The following TFCP2L1 variants were observed in gnomAD, a reference collection of about 807,000 sequenced individuals.
TFCP2L1 encodes the protein transcription factor CP2-like protein 1.
TFCP2L1 carries 12 observed loss-of-function variants against 72.2 expected under a neutral mutation model. The observed-to-expected ratio is 0.17, with a 90% CI of 0.11 to 0.27. TFCP2L1 has a LOEUF of 0.27. Ranked by LOEUF, TFCP2L1 falls within the 10% of genes least tolerant of loss-of-function variation. TFCP2L1 has a pLI of 1.00. For missense variants in TFCP2L1, 488 were observed against 624.6 expected (o/e 0.78, Z 2.33); for synonymous variants, 260 against 251.0 (o/e 1.04, Z -0.34).
Position 121,240,471 on chromosome 2 carries a change from A to G in TFCP2L1, c.769-822T>C, listed in dbSNP as rs1344659948. The G allele has an allele frequency of 6.1e-6, 6 of 985,284 alleles. No homozygotes were observed. The East Asian group carries it at 6.8e-4, about 112-fold the overall frequency. 61.0% of individuals were successfully genotyped at this position (985,284 alleles called of 1,614,324 possible). A position where few individuals can be genotyped will look rare whatever the true frequency, so the allele number is the denominator to read the frequency against. ...CACCCACCAAACTATAGTGTTGGTA[A>G]ATATTTAAGTATTGTGAGTGTGGGC... On this transcript the variant is annotated intron_variant, in intron 7 of 14. Transcript: ENST00000263707.
chr2:121,256,878 C>T (rs1053749832), intron 2 of TFCP2L1, among the ~76,000 whole-genome samples: 12 of 152,190 alleles, frequency 7.9e-5, no homozygotes, highest in Middle Eastern at 3.4e-3. Flanking sequence ...ACCGCTTGAA[C>T]CCGGGAGGCA....
chr2:121,240,584 T>A lies in TFCP2L1; in HGVS notation c.769-935A>T, dbSNP rs544321165. The A allele has an allele frequency of 3.0e-3, 3,004 of 985,366 alleles. 9 individuals carry two copies. Among genetic ancestry groups the A allele is most frequent in the Non-Finnish European group, 3.5e-3 (2,884 of 829,910 alleles). 61.0% of individuals were successfully genotyped at this position (985,366 alleles called of 1,614,324 possible). The stretch of plus-strand genomic sequence containing the variant: ...GCAGCCGGTGCCTCCCAGGGTGGGC[T>A]TTCAACTACGCTGCACTGTGGCAAG... On this transcript the variant is annotated intron_variant, in intron 7 of 14. Coordinates refer to ENST00000263707, the MANE Select transcript of TFCP2L1 (RefSeq NM_014553.3).
chr2:121,224,846 C>G (rs1013057233), intron 14 of TFCP2L1, among the ~76,000 whole-genome samples: 34 of 152,212 alleles, frequency 2.2e-4, no homozygotes, highest in Non-Finnish European at 4.3e-4. Flanking sequence ...TTAGCCGGGC[C>G]TGGTGGCGGG....
intron 2 of TFCP2L1, among the ~76,000 whole-genome samples, chr2:121,277,490 C>T (rs1687170805): frequency 6.6e-6 from 1 of 152,170 alleles, no homozygotes; most frequent in South Asian, 2.1e-4. Flanking sequence ...TGGTGATATG[C>T]ATCAAAAGCC....
chr2:121,273,474 A>C (rs1184890067), intron 2 of TFCP2L1, among the ~76,000 whole-genome samples: 1 of 152,222 alleles, frequency 6.6e-6, no homozygotes, highest in Non-Finnish European at 1.5e-5. Context: ...GGACCTTTTC[A>C]GAGGAAGAGA....
rs1446852931 is a variant in TFCP2L1 at position 121,223,018 on chromosome 2, T to C, written c.*1323A>G. 1 of 152,232 alleles carries C rather than the reference T, an allele frequency of 6.6e-6. No individual in the cohort carries two copies. The highest frequency in any genetic ancestry group is 2.4e-5 in the African/African-American group (1 of 41,452). The allele number at this position is 152,232 out of a possible 1,614,324, so 9.4% of individuals were successfully genotyped here. ...CAGGTGACTTTGCCCCTCTGAGCCT[T>C]GGTTTCCTCATCTATAAAACAAGTT... On this transcript the variant is annotated 3_prime_UTR_variant, in exon 15 of 15. Transcript: ENST00000263707.
At chr2:121,266,238 T>C (rs1686928136) in intron 2 of TFCP2L1, among the ~76,000 whole-genome samples, 1 of 151,726 alleles carries the variant, frequency 6.6e-6, no homozygotes, top group Non-Finnish European at 1.5e-5. Flanking sequence ...CCCATTTCAC[T>C]AACAGCAAAG....
At chr2:121,240,695 G>A in intron 7 of TFCP2L1, 1 of 985,348 alleles carries the variant, frequency 1.0e-6, no homozygotes, top group Non-Finnish European at 1.2e-6. Context: ...GAGGCTGTTA[G>A]GGAGAGAATG....
chr2:121,270,494 G>A (rs763607899), intron 2 of TFCP2L1, among the ~76,000 whole-genome samples: 8 of 152,162 alleles, frequency 5.3e-5, no homozygotes, highest in Middle Eastern at 3.4e-3. Context: ...TTTCACTCCC[G>A]CTTAAACACA....
At chr2:121,255,892 G>A (rs951532163) in intron 2 of TFCP2L1, among the ~76,000 whole-genome samples, 3 of 152,112 alleles carry the variant, frequency 2.0e-5, no homozygotes, top group South Asian at 2.1e-4. Flanking sequence ...GCAGGCGCCC[G>A]CCACCTCGCC....
chr2:121,249,796 C>G (rs1172868279), intron 2 of TFCP2L1, 149 bp from the exon 3 acceptor site: 6 of 739,212 alleles, frequency 8.1e-6, no homozygotes, highest in Middle Eastern at 2.7e-4. Context: ...ACGACCAGCT[C>G]AGCTCACTCT....
Position 121,237,523 on chromosome 2 carries a change from G to A in TFCP2L1, c.1003+100C>T, listed in dbSNP as rs1397351993. 1.3e-5 allele frequency: 18 copies of A among 1,368,080 alleles called. 1 individual carries two copies. In the East Asian group the frequency reaches 1.6e-4, roughly 12 times the overall value. 84.7% of individuals were successfully genotyped at this position (1,368,080 alleles called of 1,614,324 possible). A position where few individuals can be genotyped will look rare whatever the true frequency, so the allele number is the denominator to read the frequency against. ...CTATCTCGGGTCTCCCAGCTGAAACGACAGCGCTGCCAGTGTTGACAGCAA... is the reference window on the plus strand; with the variant it reads ...CTATCTCGGGTCTCCCAGCTGAAACAACAGCGCTGCCAGTGTTGACAGCAA... On this transcript the variant is annotated intron_variant, in intron 10 of 14. Coordinates refer to ENST00000263707, the MANE Select transcript of TFCP2L1 (RefSeq NM_014553.3).
rs375157385 is a variant in TFCP2L1 at position 121,231,908 on chromosome 2, T to C, written c.1259A>G (p.Asn420Ser). 18 of 1,613,462 alleles carry C rather than the reference T, an allele frequency of 1.1e-5. No homozygotes were observed. In the South Asian group the frequency reaches 1.5e-4, roughly 14 times the overall value. Reference sequence around the variant, plus strand: ...GTGCTGGGGGGAGATGCTGTACAGGTTGGCGATCTTCTCAATCAGCTCCAA... The same window carrying C: ...GTGCTGGGGGGAGATGCTGTACAGGCTGGCGATCTTCTCAATCAGCTCCAA... Reference protein sequence around the residue: ...TTLELIEKIANLYSISPQHIH... With the variant: ...TTLELIEKIASLYSISPQHIH... Residue 420 changes from asparagine (N) to serine (S), a missense_variant, in exon 13 of 15, where the codon AAC becomes AGC. By Grantham distance (46) the Asn-to-Ser change is conservative. Transcript: ENST00000263707.
At chr2:121,250,390 G>C (rs894574990) in intron 2 of TFCP2L1, among the ~76,000 whole-genome samples, 1 of 146,742 alleles carries the variant, frequency 6.8e-6, no homozygotes, top group Non-Finnish European at 1.5e-5. Flanking sequence ...ATATATGTAT[G>C]TGTATATATA....
rs1686220502 is a variant in TFCP2L1 at position 121,235,209 on chromosome 2, A to G, written c.1094+12T>C. 1 of 1,614,002 alleles carries G rather than the reference A, an allele frequency of 6.2e-7. No individual in the cohort carries two copies. Among genetic ancestry groups the G allele is most frequent in the African/African-American group, 1.3e-5 (1 of 75,034 alleles). On this transcript the variant is annotated intron_variant, in intron 11 of 14. Transcript: ENST00000263707. ...AGCCTCTGGCTGGCTTCACAGAGAA[A>G]CCAACACCTACCGGCCTTTGATGGC...
chr2:121,281,397 G>T, intron 1 of TFCP2L1, 126 bp from the exon 2 acceptor site: 1 of 1,055,590 alleles, frequency 9.5e-7, no homozygotes, highest in Non-Finnish European at 1.4e-6. Context: ...CGCATCGCAG[G>T]GTGCTGGCTG....
intron 6 of TFCP2L1, 137 bp downstream of exon 6, chr2:121,246,681 A>G (rs1044368006): frequency 4.4e-6 from 5 of 1,126,432 alleles, no homozygotes; most frequent in Non-Finnish European, 6.3e-6. Context: ...TTAGAAGCCC[A>G]GGTAGAAGCC....
intron 13 of TFCP2L1, among the ~76,000 whole-genome samples, chr2:121,229,522 T>G (rs1686098836): frequency 6.6e-6 from 1 of 152,204 alleles, no homozygotes; most frequent in Admixed American, 6.5e-5. Context: ...GCAAGAGGAT[T>G]ATTACTAGTA....
rs891092011 is a variant in TFCP2L1, at chr2:121,225,704, G to T, written c.1342-91C>A. On this transcript the variant is annotated intron_variant, in intron 13 of 14. Coordinates refer to ENST00000263707, the MANE Select transcript of TFCP2L1 (RefSeq NM_014553.3). ...CAGAGCCTAGCCATGCGCAGCTGCA[G>T]AAACACCACTGCCAAGCCACTGCCA... The T allele has an allele frequency of 3.6e-6, 5 of 1,397,780 alleles. No homozygotes were observed. The African/African-American group carries it at 7.1e-5, about 20-fold the overall frequency. The allele number at this position is 1,397,780 out of a possible 1,614,324, so 86.6% of individuals were successfully genotyped here.
Sources: allele counts gnomAD v4.1 joint callset (sites outside exome capture counted in the v4.1 genomes callset), GRCh38; gene constraint gnomAD v4.1.1; transcripts MANE v1.5; gene names NCBI Gene and HGNC (gene_info 2026-07-23, HGNC 2026-07-21).